The following MS4A4E variants were observed in gnomAD, a reference collection of about 807,000 sequenced individuals.
MS4A4E encodes the protein membrane spanning 4-domains A4E.
MS4A4E carries 23 observed loss-of-function variants against 13.3 expected under a neutral mutation model. That is an observed-to-expected ratio of 1.73 (90% CI 1.25 to 2.45). The LOEUF (loss-of-function observed/expected upper bound fraction) is 2.45. MS4A4E is among the 30% of genes most tolerant of loss of function. The probability of loss-of-function intolerance (pLI) is 0.00; values close to 1 mark genes in which losing one functional copy is unlikely to be tolerated. For missense variants in MS4A4E, 144 were observed against 131.2 expected (o/e 1.10, Z -0.48); for synonymous variants, 36 against 45.6 (o/e 0.79, Z 0.85).
chr11:60,210,113 A>C (rs1175197660), intron 5 of MS4A4E, among the ~76,000 whole-genome samples: 1 of 152,270 alleles, frequency 6.6e-6, no homozygotes, highest in Non-Finnish European at 1.5e-5. Context: ...TCTGGCACAC[A>C]CATTCAAACC....
At chr11:60,207,857 G>T (rs2134917484) in intron 6 of MS4A4E, among the ~76,000 whole-genome samples, 1 of 152,262 alleles carries the variant, frequency 6.6e-6, no homozygotes, top group East Asian at 1.9e-4. Context: ...TCTGCTGCAG[G>T]TCTCAGGGTA....
intron 3 of MS4A4E, among the ~76,000 whole-genome samples, chr11:60,218,600 G>A (rs1192147735): frequency 4.6e-5 from 7 of 151,872 alleles, no homozygotes; most frequent in Non-Finnish European, 7.4e-5. Context: ...CGTGACTATC[G>A]GGGCAGGTTC....
intron 3 of MS4A4E, among the ~76,000 whole-genome samples, chr11:60,220,343 GT>G (rs1318254748): frequency 2.0e-5 from 3 of 152,172 alleles, no homozygotes; most frequent in Non-Finnish European, 4.4e-5. Flanking sequence ...CCATCTTCTG[GT>G]ACCTGGTAAG....
chr11:60,221,673 C>G (rs943245738), intron 3 of MS4A4E, among the ~76,000 whole-genome samples: 1 of 152,204 alleles, frequency 6.6e-6, no homozygotes, highest in Non-Finnish European at 1.5e-5. Flanking sequence ...CAATTATATA[C>G]TGATTCATGG....
chr11:60,230,236 G>A (rs528502107), intron 1 of MS4A4E, among the ~76,000 whole-genome samples, 165 bp from the exon 2 acceptor site: 1 of 152,142 alleles, frequency 6.6e-6, no homozygotes, highest in South Asian at 2.1e-4. Context: ...CACATTAAGT[G>A]GGGGGTGGAG....
chr11:60,222,126 G>A (rs865799290), intron 3 of MS4A4E, among the ~76,000 whole-genome samples: 56 of 152,182 alleles, frequency 3.7e-4, no homozygotes, highest in South Asian at 4.1e-4. Flanking sequence ...CCAGCTACTT[G>A]GTGGCAAGTT....
At chr11:60,208,177 G>A (rs1199390490) in intron 6 of MS4A4E, among the ~76,000 whole-genome samples, 1 of 152,152 alleles carries the variant, frequency 6.6e-6, no homozygotes, top group Non-Finnish European at 1.5e-5. Context: ...AGTCCCGTAT[G>A]TAGGACTGAT....
chr11:60,207,567 G>T (rs1004083362), intron 6 of MS4A4E, among the ~76,000 whole-genome samples: 1 of 152,106 alleles, frequency 6.6e-6, no homozygotes, highest in African/African-American at 2.4e-5. Context: ...AGACAGAGAG[G>T]CACAAAATGA....
At chr11:60,225,074 G>A (rs1322662199) in intron 3 of MS4A4E, 1 of 1,556,812 alleles carries the variant, frequency 6.4e-7, no homozygotes, top group East Asian at 2.3e-5. Context: ...GCTCATCAAG[G>A]CAATCAGAAT....
chr11:60,243,003 G>T lies in MS4A4E; in HGVS notation c.-62C>A. The T allele has an allele frequency of 6.4e-7, 1 of 1,556,602 alleles. No individual in the cohort carries two copies. Among genetic ancestry groups the T allele is most frequent in the Non-Finnish European group, 8.7e-7 (1 of 1,143,292 alleles). On this transcript the variant is annotated 5_prime_UTR_variant, in exon 1 of 9. Transcript: ENST00000651255. ...TCTGCTGCAGGTCTGATGAGTGCAG[G>T]GCTCTGGGCAAGTTCCTCAAAGTTC... is the stretch of plus-strand genomic sequence containing the variant.
In MS4A4E at chr11:60,214,758, C is replaced by T; in HGVS notation, c.179-144G>A. ...AATTATCTTAGAAAGCAAGAGATTG[C>T]ACATAATTTTCTCTTTTCCCAGAAA... On this transcript the variant is annotated intron_variant, in intron 3 of 8. Transcript: ENST00000651255. The T allele has an allele frequency of 9.0e-6, 4 of 445,808 alleles. No homozygotes were observed. The South Asian group carries it at 1.8e-4, about 20-fold the overall frequency. 27.6% of individuals were successfully genotyped at this position (445,808 alleles called of 1,614,324 possible). A position where few individuals can be genotyped will look rare whatever the true frequency, so the allele number is the denominator to read the frequency against.
chr11:60,202,811 G>T (rs117009489), intron 8 of MS4A4E, among the ~76,000 whole-genome samples: 1 of 152,088 alleles, frequency 6.6e-6, no homozygotes, highest in African/African-American at 2.4e-5. Context: ...TCCCAATTGC[G>T]TATTACTATT....
At chr11:60,211,516 G>T (rs949242482) in intron 5 of MS4A4E, among the ~76,000 whole-genome samples, 1 of 152,180 alleles carries the variant, frequency 6.6e-6, no homozygotes, top group Non-Finnish European at 1.5e-5. Context: ...GAAGGGCACA[G>T]TGAGGAAAAG....
chr11:60,232,556 C>T (rs936385749), intron 1 of MS4A4E, among the ~76,000 whole-genome samples: 4 of 152,168 alleles, frequency 2.6e-5, no homozygotes, highest in African/African-American at 9.7e-5. Flanking sequence ...CAGCTCCCAT[C>T]ACCACCATAG....
intron 1 of MS4A4E, among the ~76,000 whole-genome samples, chr11:60,232,749 G>C (rs2084428497): frequency 6.6e-6 from 1 of 152,160 alleles, no homozygotes; most frequent in Non-Finnish European, 1.5e-5. Context: ...ACTGGCTAGA[G>C]TGCATTCTGC....
At chr11:60,225,007 G>A (rs2134953754) in intron 3 of MS4A4E, 1 of 1,543,678 alleles carries the variant, frequency 6.5e-7, no homozygotes. Flanking sequence ...ACACAAAAAT[G>A]GGATGTTCTT....
rs530962368 is a variant in MS4A4E, at chr11:60,243,005, C to T, written c.-64G>A. 3.2e-6 allele frequency: 5 copies of T among 1,554,908 alleles called. No individual in the cohort carries two copies. In the African/African-American group the frequency reaches 4.1e-5, roughly 13 times the overall value. ...TGCTGCAGGTCTGATGAGTGCAGGGCTCTGGGCAAGTTCCTCAAAGTTCTT... is the reference window on the plus strand; with the variant it reads ...TGCTGCAGGTCTGATGAGTGCAGGGTTCTGGGCAAGTTCCTCAAAGTTCTT... On this transcript the variant is annotated 5_prime_UTR_variant, in exon 1 of 9. Coordinates refer to ENST00000651255, the MANE Select transcript of MS4A4E (RefSeq NM_001393391.1).
At chr11:60,228,555 A>G in intron 3 of MS4A4E, 39 bp downstream of exon 3, 1 of 647,550 alleles carries the variant, frequency 1.5e-6, no homozygotes, top group Non-Finnish European at 2.8e-6. Context: ...TTACAAAACT[A>G]AACATACTCT....
Position 60,201,055 on chromosome 11 carries a change from C to A in MS4A4E, c.*488G>T, listed in dbSNP as rs1215809167. 6.9e-6 allele frequency among the ~76,000 whole-genome samples: 1 copy of A among 145,104 alleles called. No individual in the cohort carries two copies. ...CCTCCCTCCCAGACGTGGTGGCTGG[C>A]CGGGTGGGGGGCTGAACCCCCCACC... On this transcript the variant is annotated 3_prime_UTR_variant, in exon 9 of 9. Coordinates refer to ENST00000651255, the MANE Select transcript of MS4A4E (RefSeq NM_001393391.1).
Sources: gnomAD v4.1 joint callset for allele counts (sites outside exome capture counted in the v4.1 genomes callset) on GRCh38, gnomAD v4.1.1 for gene constraint, MANE v1.5 for transcripts, NCBI Gene and HGNC (gene_info 2026-07-23, HGNC 2026-07-21) for gene names.